TRIM68: variants seen among roughly 807,000 people sequenced by gnomAD.
TRIM68 encodes tripartite motif containing 68.
TRIM68 carries 36 observed loss-of-function variants against 41.9 expected under a neutral mutation model. The observed-to-expected ratio is 0.86, with a 90% confidence interval of 0.66 to 1.14. The LOEUF (loss-of-function observed/expected upper bound fraction) is 1.14. Among genes scored for constraint, TRIM68 ranks in the 50% most tolerant of loss-of-function variants. The pLI, the probability that TRIM68 is intolerant of heterozygous loss-of-function variation, is 0.00. For missense variants in TRIM68, 632 were observed against 605.1 expected (o/e 1.04, Z -0.47); for synonymous variants, 225 against 224.6 (o/e 1.00, Z -0.02).
intron 1 of TRIM68, among the ~76,000 whole-genome samples, chr11:4,607,651 G>C (rs968065818): frequency 6.6e-6 from 1 of 152,324 alleles, no homozygotes; most frequent in Admixed American, 6.5e-5. Flanking sequence ...ACTAAAAGTG[G>C]CAGCCTCTGC....
At chr11:4,606,515 G>C (rs141735969) in intron 1 of TRIM68, among the ~76,000 whole-genome samples, 69 of 152,336 alleles carry the variant, frequency 4.5e-4, no homozygotes, top group African/African-American at 1.6e-3. Context: ...GTAAATATTT[G>C]TTGAATGAAT....
Position 4,605,562 on chromosome 11 carries a change from C to A in TRIM68, c.-57-1G>T. On this transcript the variant is annotated splice_acceptor_variant, in intron 1 of 6. Transcript: ENST00000300747. LOFTEE classifies it low-confidence loss of function (5UTR_SPLICE). Reference sequence around the variant, plus strand: ...TGAAACCAGGGAGAAGTAGTAAAGGCTGAGAAGAAGAAAAGAAAGACAAAT... The same window carrying A: ...TGAAACCAGGGAGAAGTAGTAAAGGATGAGAAGAAGAAAAGAAAGACAAAT... 1 of 1,469,976 alleles carries A rather than the reference C, an allele frequency of 6.8e-7. No individual in the cohort carries two copies. The highest frequency in any genetic ancestry group is 9.2e-7 in the Non-Finnish European group (1 of 1,091,050). The allele number at this position is 1,469,976 out of a possible 1,614,324, so 91.1% of individuals were successfully genotyped here. A position where few individuals can be genotyped will look rare whatever the true frequency, so the allele number is the denominator to read the frequency against.
At chr11:4,601,340 A>T in intron 5 of TRIM68, 1 of 599,140 alleles carries the variant, frequency 1.7e-6, no homozygotes, top group Non-Finnish European at 3.0e-6. Flanking sequence ...TTGGATGTAT[A>T]TTTGATTCTG....
chr11:4,600,466 A>C lies in TRIM68; in HGVS notation c.1268T>G (p.Val423Gly), dbSNP rs1846467004. The change falls in exon 7 of 7, where the codon GTG (valine) becomes GGG (glycine). Residue 423 changes from valine (V) to glycine (G), a missense_variant. Coordinates refer to ENST00000300747, the MANE Select transcript of TRIM68 (RefSeq NM_018073.8). ...GGCCTCATAATCCACGAAGATTCCC[A>C]CCCGGCGAGGAGGGACCGGCAAGGA... ...ILSLPVPPRR[V>G]GIFVDYEAHD... 6.2e-7 allele frequency: 1 copy of C among 1,613,374 alleles called. No individual in the cohort carries two copies. Among genetic ancestry groups the C allele is most frequent in the Admixed American group, 1.7e-5 (1 of 59,966 alleles).
At chr11:4,604,180 A>C (rs1846536161) in intron 2 of TRIM68, among the ~76,000 whole-genome samples, 1 of 152,210 alleles carries the variant, frequency 6.6e-6, no homozygotes, top group Non-Finnish European at 1.5e-5. Context: ...AATACTTTTC[A>C]TATTTTAGAA....
chr11:4,601,010 C>A lies in TRIM68; in HGVS notation c.907+17G>T. The A allele has an allele frequency of 1.2e-6, 2 of 1,611,296 alleles. No homozygotes were observed. Among genetic ancestry groups the A allele is most frequent in the South Asian group, 2.2e-5 (2 of 91,022 alleles). ...TCCCTCCCACTGTCCACTACAGTCT[C>A]CCCCAGGATCCATTACCTGCATAAG... On this transcript the variant is annotated intron_variant, in intron 6 of 6. Transcript: ENST00000300747.
chr11:4,607,303 C>T (rs1378056005), intron 1 of TRIM68, among the ~76,000 whole-genome samples: 2 of 152,162 alleles, frequency 1.3e-5, no homozygotes, highest in African/African-American at 4.8e-5. Context: ...TCCCCAGTGC[C>T]AAGAACAGTG....
At position 4,602,300 on chromosome 11, in the gene TRIM68, G is replaced by A; in HGVS notation, c.635C>T (p.Ala212Val). The change falls in exon 4 of 7, where the codon GCT (alanine) becomes GTT (valine). Residue 212 changes from alanine to valine, a missense_variant. Physicochemically the swap from Ala to Val is moderately conservative, Grantham distance 64. Transcript: ENST00000300747. ...TGCCTCCCGCTGTAGGCTGGCCAGA[G>A]CTGCTGCTACCTCTGCCCCCAGCTG... ...HRQLGAEVAA[A>V]LASLQREAAE... 1.2e-6 allele frequency: 2 copies of A among 1,614,200 alleles called. No individual in the cohort carries two copies. The highest frequency in any genetic ancestry group is 2.2e-5 in the South Asian group (2 of 91,084).
chr11:4,607,190 C>CT (rs1171364289), intron 1 of TRIM68, among the ~76,000 whole-genome samples: 1 of 152,196 alleles, frequency 6.6e-6, no homozygotes, highest in Non-Finnish European at 1.5e-5. Context: ...CTACATGATC[C>CT]TGCCTTTGAC....
rs1396902894 is a variant in TRIM68 at position 4,606,940 on chromosome 11, C to CT, written c.-58+1086dup. Among the ~76,000 whole-genome samples the CT allele has an allele frequency of 3.3e-5, 5 of 152,328 alleles. No individual in the cohort carries two copies. In the East Asian group the frequency reaches 9.6e-4, roughly 29 times the overall value. ...TTCTCACTAGACTCCCTGCCTCCTG[C>CT]TTTTCTTCCTCCCACTATCACTACC... On this transcript the variant is annotated intron_variant, in intron 1 of 6. Transcript: ENST00000300747.
At position 4,600,802 on chromosome 11, in the gene TRIM68, G is replaced by GT; in HGVS notation, c.931dup (p.Thr311AsnfsTer10). On this transcript the variant is annotated frameshift_variant, in exon 7 of 7. Coordinates refer to ENST00000300747, the MANE Select transcript of TRIM68 (RefSeq NM_018073.8). LOFTEE classifies it low-confidence loss of function (END_TRUNC). ...AGACACGATGAGACGGGAGTAAGCA[G>GT]TATCTGGATCCAAGCGCACATCAGC... The GT allele has an allele frequency of 6.2e-7, 1 of 1,613,874 alleles. No homozygotes were observed. Among genetic ancestry groups the GT allele is most frequent in the Non-Finnish European group, 8.5e-7 (1 of 1,179,822 alleles).
At position 4,600,291 on chromosome 11, in the gene TRIM68, C is replaced by T. The variant is rs1406585939; in HGVS notation, c.1443G>A (p.Leu481=). ...GGTAGCTTTCTTAGTCCTCCCCATC[C>T]AGGGAGCAGATGGCCAGAGGAGCAG... The part of the protein sequence containing the change: ...NNTAPLAICS[L]DGED Residue 481 remains leucine, a synonymous_variant, in exon 7 of 7, where the codon CTG becomes CTA. Coordinates refer to ENST00000300747, the MANE Select transcript of TRIM68 (RefSeq NM_018073.8). 1.3e-6 allele frequency: 2 copies of T among 1,581,408 alleles called. No individual in the cohort carries two copies. The highest frequency in any genetic ancestry group is 1.7e-6 in the Non-Finnish European group (2 of 1,163,324).
chr11:4,602,381 A>T lies in TRIM68; in HGVS notation c.554T>A (p.Val185Glu), dbSNP rs1846506019. 6.2e-7 allele frequency: 1 copy of T among 1,613,772 alleles called. No individual in the cohort carries two copies. Among genetic ancestry groups the T allele is most frequent in the Admixed American group, 1.7e-5 (1 of 59,994 alleles). The change falls in exon 4 of 7, where the codon GTA becomes GAA. Residue 185 changes from valine to glutamate, a missense_variant. Val to Glu is a moderately radical substitution (Grantham distance 121). Transcript: ENST00000300747. The stretch of plus-strand genomic sequence containing the variant: ...TCGCTGGTATTTTTCAAACTCCCAT[A>T]CAATACTCTGTTTTCGGGTTTCCAC... ...IQVETRKQSIVWEFEKYQRLL... is the reference protein window; with the variant it reads ...IQVETRKQSIEWEFEKYQRLL...
In TRIM68 at chr11:4,600,511, G is replaced by T; in HGVS notation, c.1223C>A (p.Thr408Asn). Residue 408 changes from threonine to asparagine, a missense_variant, in exon 7 of 7, where the codon ACC becomes AAC. By Grantham distance (65) the Thr-to-Asn change is moderately conservative (BLOSUM62 0). Coordinates refer to ENST00000300747, the MANE Select transcript of TRIM68 (RefSeq NM_018073.8). ...CAAGGACAGGATTGGGTACTCATCG[G>T]TGCCTGCTCGGTACTCATTTCCCTT... ...LRKGNEYRAG[T>N]DEYPILSLPV... The T allele has an allele frequency of 6.2e-7, 1 of 1,613,878 alleles. No individual in the cohort carries two copies. The highest frequency in any genetic ancestry group is 8.5e-7 in the Non-Finnish European group (1 of 1,179,906).
chr11:4,603,255 G>A lies in TRIM68; in HGVS notation c.512C>T (p.Ala171Val). ...KLEVGERKRT[A>V]TWKIQVETRK... ...CACGAGGCAACCTGCCTTCCAGGTG[G>A]CAGTTCGTTTCCTTTCACCAACTTC... The change falls in exon 3 of 7, where the codon GCC becomes GTC. Residue 171 changes from alanine to valine, a missense_variant. By Grantham distance (64) the Ala-to-Val change is moderately conservative. Transcript: ENST00000300747. 6.2e-7 allele frequency: 1 copy of A among 1,614,174 alleles called. No individual in the cohort carries two copies. The highest frequency in any genetic ancestry group is 8.5e-7 in the Non-Finnish European group (1 of 1,179,996).
chr11:4,600,919 G>A, intron 6 of TRIM68, 93 bp from the exon 7 acceptor site: 2 of 1,570,998 alleles, frequency 1.3e-6, no homozygotes. Flanking sequence ...ATTTCTCAAT[G>A]ATGAAGGGGT....
intron 1 of TRIM68, among the ~76,000 whole-genome samples, chr11:4,607,449 T>C (rs939771123): frequency 6.6e-6 from 1 of 152,092 alleles, no homozygotes; most frequent in African/African-American, 2.4e-5. Flanking sequence ...CTAAAGTCAA[T>C]AAAACAATAA....
rs77272473 is a variant in TRIM68, at chr11:4,606,412, C to T, written c.-57-851G>A. Among the ~76,000 whole-genome samples the T allele has an allele frequency of 3.9e-3, 592 of 152,328 alleles. 7 individuals are homozygous for T. Among genetic ancestry groups the T allele is most frequent in the African/African-American group, 0.014 (569 of 41,570 alleles). Reference sequence around the variant, plus strand: ...CATTCACTTTGCTAGTTTGTGTTACCAGCTAGAATCTATACAAGGAAGGGA... The same window carrying T: ...CATTCACTTTGCTAGTTTGTGTTACTAGCTAGAATCTATACAAGGAAGGGA... On this transcript the variant is annotated intron_variant, in intron 1 of 6. Coordinates refer to ENST00000300747, the MANE Select transcript of TRIM68 (RefSeq NM_018073.8).
chr11:4,605,056 AGTG>A lies in TRIM68; in HGVS notation c.426+20_426+22del. ...CAACTTGGGGCCGGGGTTAGACTGG[AGTG>A]GCCAGCTTCCATCTCTCACCTTGTA... On this transcript the variant is annotated intron_variant, in intron 2 of 6. Coordinates refer to ENST00000300747, the MANE Select transcript of TRIM68 (RefSeq NM_018073.8). 6.2e-7 allele frequency: 1 copy of A among 1,608,818 alleles called. No homozygotes were observed.
Sources: allele counts gnomAD v4.1 joint callset (sites outside exome capture counted in the v4.1 genomes callset), GRCh38; gene constraint gnomAD v4.1.1; transcripts MANE v1.5; gene names NCBI Gene and HGNC (gene_info 2026-07-23, HGNC 2026-07-21).